The following CAPN8 variants were observed in gnomAD, a reference collection of about 807,000 sequenced individuals.
The protein encoded by CAPN8 is calpain-8.
Under a neutral mutation model 80.9 loss-of-function variants are expected in CAPN8, and 87 were observed. That is an observed-to-expected ratio of 1.07 (90% CI 0.90 to 1.28). CAPN8 has a LOEUF of 1.28. Ranked by LOEUF, CAPN8 falls within the 50% of genes most tolerant of loss-of-function variation. The pLI, the probability that CAPN8 is intolerant of heterozygous loss-of-function variation, is 0.00. For missense variants in CAPN8, 757 were observed against 702.0 expected (o/e 1.08, Z -0.89); for synonymous variants, 299 against 273.8 (o/e 1.09, Z -0.91).
intron 6 of CAPN8, among the ~76,000 whole-genome samples, chr1:223,624,076 CTATT>C (rs150358210): frequency 2.0e-5 from 3 of 151,786 alleles, no homozygotes; most frequent in East Asian, 3.9e-4. Context: ...TCATTTAACT[CTATT>C]TATTTATTTA....
chr1:223,664,330 A>T (rs755971005), intron 1 of CAPN8, among the ~76,000 whole-genome samples: 13 of 152,210 alleles, frequency 8.5e-5, no homozygotes, highest in Admixed American at 3.3e-4. Flanking sequence ...TGATGTTGTC[A>T]CAATTTACCT....
At chr1:223,641,208 C>G (rs1387019839) in intron 2 of CAPN8, among the ~76,000 whole-genome samples, 2 of 152,144 alleles carry the variant, frequency 1.3e-5, no homozygotes, top group Non-Finnish European at 2.9e-5. Flanking sequence ...AGCATGAGTT[C>G]TCCCTCAAAA....
intron 10 of CAPN8, among the ~76,000 whole-genome samples, chr1:223,613,962 C>G (rs1292936223): frequency 6.6e-6 from 1 of 152,250 alleles, no homozygotes; most frequent in Non-Finnish European, 1.5e-5. Context: ...CCACAGATCA[C>G]ACACACTGGA....
chr1:223,627,332 C>T (rs1430693854), intron 4 of CAPN8, among the ~76,000 whole-genome samples, 175 bp from the exon 5 acceptor site: 3 of 152,216 alleles, frequency 2.0e-5, no homozygotes, highest in African/African-American at 7.2e-5. Context: ...GTGCCCAGCT[C>T]AGCACTTCAC....
intron 11 of CAPN8, among the ~76,000 whole-genome samples, chr1:223,611,101 T>C (rs1657019411): frequency 6.6e-6 from 1 of 152,194 alleles, no homozygotes; most frequent in South Asian, 2.1e-4. Context: ...GAAAGCTCCA[T>C]TGTGTGTGCA....
At chr1:223,637,982 A>C (rs1182893571) in intron 2 of CAPN8, among the ~76,000 whole-genome samples, 1 of 152,186 alleles carries the variant, frequency 6.6e-6, no homozygotes, top group Non-Finnish European at 1.5e-5. Flanking sequence ...TACTTGTAAC[A>C]AGCGAAATGT....
In CAPN8 at chr1:223,609,216, A is replaced by T. The variant is rs1182416820; in HGVS notation, c.1472T>A (p.Phe491Tyr). ...PGEYLVVPST[F>Y]EPFKDGEFCL... ...GAACTCGCCGTCTTTGAAGGGTTCA[A>T]ATGTGGATGGCACCACCAGGTACTC... The change falls in exon 12 of 21, where the codon TTT (phenylalanine) becomes TAT (tyrosine). Residue 491 changes from phenylalanine to tyrosine, a missense_variant. Physicochemically the swap from Phe to Tyr is conservative, Grantham distance 22. Transcript: ENST00000366872. 2.5e-6 allele frequency: 1 copy of T among 398,428 alleles called. No homozygotes were observed. Among genetic ancestry groups the T allele is most frequent in the Non-Finnish European group, 4.4e-6 (1 of 226,066 alleles). 24.7% of individuals were successfully genotyped at this position (398,428 alleles called of 1,614,324 possible).
chr1:223,655,439 T>C (rs1251187120), intron 1 of CAPN8, among the ~76,000 whole-genome samples: 1 of 152,196 alleles, frequency 6.6e-6, no homozygotes, highest in Non-Finnish European at 1.5e-5. Context: ...CAAGGATTTT[T>C]TGAGTGCCCG....
intron 6 of CAPN8, among the ~76,000 whole-genome samples, chr1:223,625,495 T>C (rs1657543957): frequency 6.6e-6 from 1 of 152,182 alleles, no homozygotes; most frequent in South Asian, 2.1e-4. Context: ...GAGGTCTTAC[T>C]ATGTTGCCCA....
At chr1:223,615,581 C>A (rs1657145754) in intron 10 of CAPN8, among the ~76,000 whole-genome samples, 1 of 152,222 alleles carries the variant, frequency 6.6e-6, no homozygotes, top group African/African-American at 2.4e-5. Flanking sequence ...CCATATCCAG[C>A]CTCCTTCCCT....
At chr1:223,556,230 C>A (rs958222807) in intron 13 of CAPN8, among the ~76,000 whole-genome samples, 1 of 152,144 alleles carries the variant, frequency 6.6e-6, no homozygotes, top group Non-Finnish European at 1.5e-5. Context: ...AACAGAAGTT[C>A]CTAAAGGCAA....
intron 1 of CAPN8, among the ~76,000 whole-genome samples, chr1:223,662,405 C>T (rs777462460): frequency 1.5e-4 from 23 of 151,526 alleles, no homozygotes; most frequent in Non-Finnish European, 2.8e-4. Flanking sequence ...GCCAAGATCG[C>T]GCCACTGCAC....
intron 2 of CAPN8, among the ~76,000 whole-genome samples, chr1:223,638,108 A>T (rs1657953701): frequency 6.6e-6 from 1 of 152,174 alleles, no homozygotes; most frequent in Non-Finnish European, 1.5e-5. Context: ...CTTTGTCTGT[A>T]CTGAACATGT....
chr1:223,665,511 A>G lies in CAPN8; in HGVS notation c.136T>C (p.Phe46Leu), dbSNP rs1011100693. ...RQQCLDSGVLFKDPEFPACPS... is the reference protein window; with the variant it reads ...RQQCLDSGVLLKDPEFPACPS... ...CATGCTGGGAACTCAGGGTCCTTAA[A>G]TAGGACCCCTGAGTCCAAGCACTGT... The change falls in exon 1 of 21, where the codon TTT becomes CTT. Residue 46 changes from phenylalanine to leucine, a missense_variant. By Grantham distance (22) the Phe-to-Leu change is conservative. Transcript: ENST00000366872. 1.9e-6 allele frequency: 3 copies of G among 1,551,518 alleles called. No homozygotes were observed. The highest frequency in any genetic ancestry group is 2.0e-5 in the Admixed American group (1 of 50,986).
At chr1:223,557,838 G>A (rs1475460076) in intron 13 of CAPN8, among the ~76,000 whole-genome samples, 4 of 152,194 alleles carry the variant, frequency 2.6e-5, no homozygotes, top group East Asian at 3.9e-4. Context: ...TCTCTATCTC[G>A]CACAGGACAG....
At chr1:223,643,036 G>A (rs146852702) in intron 2 of CAPN8, among the ~76,000 whole-genome samples, 178 of 152,352 alleles carry the variant, frequency 1.2e-3, no homozygotes, top group African/African-American at 4.0e-3. Flanking sequence ...ACATCTCAGA[G>A]CGTGTTTCAA....
At chr1:223,544,318 C>A in intron 18 of CAPN8, 135 bp from the exon 19 acceptor site, 1 of 621,192 alleles carries the variant, frequency 1.6e-6, no homozygotes, top group South Asian at 1.9e-5. Flanking sequence ...CTGACTCTGC[C>A]TTCTCCAGGG....
chr1:223,620,486 T>C (rs897934635), intron 7 of CAPN8, among the ~76,000 whole-genome samples: 8 of 152,164 alleles, frequency 5.3e-5, no homozygotes, highest in African/African-American at 1.9e-4. Context: ...ACGATGGCCT[T>C]GGACATGTGC....
intron 1 of CAPN8, among the ~76,000 whole-genome samples, chr1:223,659,011 C>T (rs146534246): frequency 6.6e-6 from 1 of 152,158 alleles, no homozygotes; most frequent in African/African-American, 2.4e-5. Context: ...CACTTAGAAC[C>T]CTTTTTTATC....
Sources: allele counts gnomAD v4.1 joint callset (sites outside exome capture counted in the v4.1 genomes callset), GRCh38; gene constraint gnomAD v4.1.1; transcripts MANE v1.5; gene names NCBI Gene and HGNC (gene_info 2026-07-23, HGNC 2026-07-21).